LINC00632: variants seen among roughly 807,000 people sequenced by gnomAD.
LINC00632 encodes the protein long independently transcribed non-coding RNA 632.
At chrX:140,768,092 G>A (rs1371013635) in intron 3 of LINC00632, among the ~76,000 whole-genome samples, 3 of 111,415 alleles carry the variant, frequency 2.7e-5, no homozygotes, top group Non-Finnish European at 5.7e-5. Context: ...TCATTTTAAG[G>A]GAAAACAGCT....
chrX:140,774,251 T>C (rs778778667), exon 4 of LINC00632, among the ~76,000 whole-genome samples: 2 of 112,246 alleles, frequency 1.8e-5, no homozygotes, highest in East Asian at 2.8e-4. Flanking sequence ...ACAAATGAAA[T>C]TGTCACAATG....
chrX:140,728,893 A>T (rs766398147), intron 2 of LINC00632, among the ~76,000 whole-genome samples: 1 of 111,145 alleles, frequency 9.0e-6, no homozygotes, highest in Non-Finnish European at 1.9e-5. Context: ...ACACCACCCC[A>T]CAACGCCAAT....
chrX:140,766,033 GC>G (rs1931685586), intron 3 of LINC00632, among the ~76,000 whole-genome samples: 1 of 111,707 alleles, frequency 9.0e-6, no homozygotes, highest in Non-Finnish European at 1.9e-5. Flanking sequence ...GTGATCCCTG[GC>G]CTGCTAAACA....
At chrX:140,752,900 G>A (rs1931431016) in intron 3 of LINC00632, among the ~76,000 whole-genome samples, 1 of 111,142 alleles carries the variant, frequency 9.0e-6, no homozygotes, top group African/African-American at 3.3e-5. Context: ...GATGGTTGAG[G>A]AGGCATCAAA....
At chrX:140,766,409 A>C (rs1296724905) in intron 3 of LINC00632, among the ~76,000 whole-genome samples, 1 of 112,313 alleles carries the variant, frequency 8.9e-6, no homozygotes, top group Non-Finnish European at 1.9e-5. Context: ...AAGAGAGTGA[A>C]GATGTTCCAT....
At chrX:140,786,738 C>T (rs1932024515) in exon 5 of LINC00632, among the ~76,000 whole-genome samples, 1 of 111,673 alleles carries the variant, frequency 9.0e-6, no homozygotes, top group Non-Finnish European at 1.9e-5. Context: ...AGATACTCCT[C>T]ACATAGTTAT....
Position 140,783,498 on chromosome X carries a change from G to C in LINC00632, n.11517G>C, listed in dbSNP as rs777368150. ...TCTTCCATCAAATACAGATCTTCCAGCTAATCCATGTCTTCCAGAAAAATC... is the reference window on the plus strand; with the variant it reads ...TCTTCCATCAAATACAGATCTTCCACCTAATCCATGTCTTCCAGAAAAATC... On this transcript the variant is annotated non_coding_transcript_exon_variant, in exon 5 of 5. Transcript: ENST00000648200. 275 of 974,616 alleles carry C rather than the reference G, an allele frequency of 2.8e-4. No individual in the cohort carries two copies. In the African/African-American group the frequency reaches 4.9e-3, roughly 17 times the overall value. 80.3% of individuals were successfully genotyped at this position (974,616 alleles called of 1,213,427 possible).
chrX:140,730,734 A>G (rs1414258437), intron 2 of LINC00632, among the ~76,000 whole-genome samples: 1 of 111,399 alleles, frequency 9.0e-6, no homozygotes, highest in Non-Finnish European at 1.9e-5. Flanking sequence ...ACACCTAGAA[A>G]AAGCAGCATG....
chrX:140,773,257 G>C (rs745717896), exon 4 of LINC00632, among the ~76,000 whole-genome samples: 1 of 110,815 alleles, frequency 9.0e-6, no homozygotes, highest in African/African-American at 3.4e-5. Flanking sequence ...AAAAGAAGTG[G>C]AGAAGTGACT....
intron 3 of LINC00632, among the ~76,000 whole-genome samples, chrX:140,770,694 G>A (rs750591708): frequency 9.0e-5 from 10 of 111,646 alleles, no homozygotes; most frequent in East Asian, 2.8e-4. Flanking sequence ...AGCAGTGGCC[G>A]AATGTCATCT....
At chrX:140,715,829 A>G (rs1192536213) in intron 2 of LINC00632, among the ~76,000 whole-genome samples, 1 of 111,632 alleles carries the variant, frequency 9.0e-6, no homozygotes, top group East Asian at 2.8e-4. Context: ...TCACCTATCA[A>G]TATACATACT....
chrX:140,758,041 ATTTATT>A (rs1386567009), intron 3 of LINC00632, among the ~76,000 whole-genome samples: 1 of 111,259 alleles, frequency 9.0e-6, no homozygotes, highest in Non-Finnish European at 1.9e-5. Context: ...TTCTCAGAAA[ATTTATT>A]TTTATGTATT....
In LINC00632 at chrX:140,748,919, TATG is replaced by T. The variant is rs770064186; in HGVS notation, n.191+14958_191+14960del. ...AATATATATATTTTATAAACTAAAA[TATG>T]ATATATTTATATATTGTGAAGTATT... On this transcript the variant is annotated intron_variant and non_coding_transcript_variant, in intron 3 of 4. Transcript: ENST00000648200. 8.3e-3 allele frequency among the ~76,000 whole-genome samples: 885 copies of T among 106,618 alleles called. 10 individuals carry two copies. The highest frequency in any genetic ancestry group is 0.029 in the Middle Eastern group (6 of 204). The allele number at this position is 106,618 out of a possible 115,157, so 92.6% of individuals were successfully genotyped here. A position where few individuals can be genotyped will look rare whatever the true frequency, so the allele number is the denominator to read the frequency against.
intron 2 of LINC00632, among the ~76,000 whole-genome samples, chrX:140,725,900 C>G (rs1930952397): frequency 9.0e-6 from 1 of 111,499 alleles, no homozygotes; most frequent in African/African-American, 3.3e-5. Context: ...GAAACACATC[C>G]CATGACACCC....
exon 5 of LINC00632, among the ~76,000 whole-genome samples, chrX:140,788,941 G>A (rs904083614): frequency 4.8e-5 from 5 of 104,319 alleles, no homozygotes; most frequent in African/African-American, 1.7e-4. Context: ...GTGTTTTATA[G>A]GGTGGGCTTA....
intron 2 of LINC00632, among the ~76,000 whole-genome samples, chrX:140,731,480 G>T (rs1446149552): frequency 9.0e-6 from 1 of 111,105 alleles, no homozygotes; most frequent in African/African-American, 3.3e-5. Context: ...CCACTTACTG[G>T]CCATATGACC....
intron 3 of LINC00632, among the ~76,000 whole-genome samples, chrX:140,735,771 T>C (rs1318795437): frequency 1.8e-5 from 2 of 110,949 alleles, no homozygotes; most frequent in Non-Finnish European, 3.8e-5. Flanking sequence ...TTTCCATGTT[T>C]GTCAGGCTGG....
At chrX:140,774,819 T>A (rs1178135157) in exon 5 of LINC00632, among the ~76,000 whole-genome samples, 2 of 111,451 alleles carry the variant, frequency 1.8e-5, no homozygotes, top group Non-Finnish European at 3.8e-5. Context: ...TCCTAAAAAG[T>A]CTTAAATTCC....
At chrX:140,754,453 C>T (rs961876748) in intron 3 of LINC00632, among the ~76,000 whole-genome samples, 2 of 111,916 alleles carry the variant, frequency 1.8e-5, no homozygotes, top group Non-Finnish European at 3.8e-5. Context: ...TAACCAGTCT[C>T]AAGGGCAAAA....
Sources: gnomAD v4.1 joint callset for allele counts (sites outside exome capture counted in the v4.1 genomes callset) on GRCh38, gnomAD v4.1.1 for gene constraint, MANE v1.5 for transcripts, NCBI Gene and HGNC (gene_info 2026-07-23, HGNC 2026-07-21) for gene names.